CDC45: variants seen among roughly 807,000 people sequenced by gnomAD.
CDC45 encodes cell division cycle 45, also known as cell division control protein 45 homolog.
CDC45 carries 54 observed loss-of-function variants against 77.8 expected under a neutral mutation model. That is an observed-to-expected ratio of 0.69 (90% CI 0.56 to 0.87). CDC45 has a LOEUF of 0.87. CDC45 is among the 40% of genes least tolerant of loss of function. The pLI, the probability that CDC45 is intolerant of heterozygous loss-of-function variation, is 0.00. For missense variants in CDC45, 649 were observed against 721.6 expected (o/e 0.90, Z 1.15); for synonymous variants, 260 against 272.1 (o/e 0.96, Z 0.44).
Position 19,516,624 on chromosome 22 carries a change from C to T in CDC45, c.1538C>T (p.Thr513Ile), listed in dbSNP as rs1464019468. 1.9e-6 allele frequency: 3 copies of T among 1,613,712 alleles called. No homozygotes were observed. The African/African-American group carries it at 4.0e-5, about 22-fold the overall frequency. ...ACCGTGGTGGGCATCCCCCCAGAGA[C>T]CGACAGCTCGGACAGGAAGAAGTGA... ...TVTVVGIPPE[T>I]DSSDRKNFFG... The change falls in exon 16 of 19, where the codon ACC (threonine) becomes ATC (isoleucine). Residue 513 changes from threonine to isoleucine, a missense_variant. Coordinates refer to ENST00000263201, the MANE Select transcript of CDC45 (RefSeq NM_003504.5).
chr22:19,507,305 C>T, intron 10 of CDC45, 81 bp from the exon 11 acceptor site: 1 of 1,538,846 alleles, frequency 6.5e-7, no homozygotes, highest in Non-Finnish European at 8.9e-7. Context: ...GCCCCGCCAT[C>T]AGAGTGGCCC....
At chr22:19,517,296 C>T (rs778644837) in intron 17 of CDC45, among the ~76,000 whole-genome samples, 3 of 152,156 alleles carry the variant, frequency 2.0e-5, no homozygotes, top group African/African-American at 7.2e-5. Flanking sequence ...ACCCTTGCTG[C>T]GCCAGCCACC....
At chr22:19,481,828 C>A (rs1033020697) in intron 3 of CDC45, among the ~76,000 whole-genome samples, 2 of 152,094 alleles carry the variant, frequency 1.3e-5, no homozygotes, top group African/African-American at 4.8e-5. Flanking sequence ...CCCACCACCA[C>A]GCCTGGCTAA....
intron 17 of CDC45, 30 bp downstream of exon 17, chr22:19,516,923 T>G: frequency 6.3e-7 from 1 of 1,579,720 alleles, no homozygotes; most frequent in Non-Finnish European, 8.7e-7. Context: ...CTGCCACACT[T>G]TCCCACCTGA....
chr22:19,497,214 G>A (rs2090257805), intron 7 of CDC45, among the ~76,000 whole-genome samples, 172 bp from the exon 8 acceptor site: 1 of 152,178 alleles, frequency 6.6e-6, no homozygotes, highest in African/African-American at 2.4e-5. Context: ...TCAGTTTAGC[G>A]TGTACTCATC....
At chr22:19,490,124 T>C (rs1034178364) in intron 5 of CDC45, among the ~76,000 whole-genome samples, 4 of 152,240 alleles carry the variant, frequency 2.6e-5, no homozygotes, top group East Asian at 3.8e-4. Context: ...TTGCACGATA[T>C]ATCTTTTCAC....
chr22:19,483,772 T>A (rs2090021827), intron 4 of CDC45, 90 bp from the exon 5 acceptor site: 1 of 1,244,308 alleles, frequency 8.0e-7, no homozygotes, highest in East Asian at 2.4e-5. Flanking sequence ...AGTCAGCTTA[T>A]TAGGAAATGA....
At position 19,520,283 on chromosome 22, in the gene CDC45, C is replaced by T. The variant is rs1402645161; in HGVS notation, c.*2-198C>T. 6.6e-6 allele frequency among the ~76,000 whole-genome samples: 1 copy of T among 152,146 alleles called. No homozygotes were observed. The highest frequency in any genetic ancestry group is 2.4e-5 in the African/African-American group (1 of 41,508). ...AGGTGCCCGGGCCAGGGGGCAGGAG[C>T]TCTGATGTAGGACAGCTCAGCCCAG... On this transcript the variant is annotated intron_variant, in intron 18 of 18. Transcript: ENST00000263201. The surrounding 1 kb of genome is among the most constrained non-coding windows in gnomAD (Gnocchi z 4.5).
In CDC45 at chr22:19,518,857, A is replaced by G. The variant is rs1465886144; in HGVS notation, c.1650A>G (p.Lys550=). The change falls in exon 18 of 19, where the codon AAA becomes AAG. Residue 550 remains lysine, a synonymous_variant. Coordinates refer to ENST00000263201, the MANE Select transcript of CDC45 (RefSeq NM_003504.5). ...TCATTACTTCAGTAATTGAGCTGAAAGCTGAGGATCGGAGCAAGTTTCTGG... is the reference window on the plus strand; with the variant it reads ...TCATTACTTCAGTAATTGAGCTGAAGGCTGAGGATCGGAGCAAGTTTCTGG... ...NHFDLSVIEL[K]AEDRSKFLDA... The G allele has an allele frequency of 3.7e-6, 6 of 1,614,058 alleles. No individual in the cohort carries two copies. The highest frequency in any genetic ancestry group is 5.1e-6 in the Non-Finnish European group (6 of 1,179,954).
intron 17 of CDC45, 41 bp downstream of exon 17, chr22:19,516,934 C>A: frequency 6.5e-7 from 1 of 1,541,172 alleles, no homozygotes; most frequent in Non-Finnish European, 9.0e-7. Flanking sequence ...TCCCACCTGA[C>A]CCTTTGAGGC....
chr22:19,495,377 G>T (rs997366498), intron 6 of CDC45, among the ~76,000 whole-genome samples: 1 of 152,194 alleles, frequency 6.6e-6, no homozygotes, highest in African/African-American at 2.4e-5. Flanking sequence ...TGTGCACACA[G>T]CAAGTTTTGT....
intron 5 of CDC45, among the ~76,000 whole-genome samples, chr22:19,489,220 G>A (rs1259873285): frequency 2.6e-5 from 4 of 151,920 alleles, no homozygotes; most frequent in African/African-American, 4.8e-5. Context: ...TGATTTTTCA[G>A]TTGGCACTCT....
Position 19,507,847 on chromosome 22 carries a change from G to A in CDC45, c.1038G>A (p.Glu346=), listed in dbSNP as rs1933286967. The change falls in exon 12 of 19, where the codon GAG becomes GAA. Residue 346 remains glutamate (E), a synonymous_variant. Coordinates refer to ENST00000263201, the MANE Select transcript of CDC45 (RefSeq NM_003504.5). ...LKENLREMIE[E]SANKFGMKDM... is the part of the protein sequence containing the mutation. ...AGAATTTGCGGGAAATGATTGAAGA[G>A]TCTGCAAATAAATTTGGGTAAACAC... 5 of 1,598,320 alleles carry A rather than the reference G, an allele frequency of 3.1e-6. No homozygotes were observed. The highest frequency in any genetic ancestry group is 1.3e-5 in the African/African-American group (1 of 74,130).
chr22:19,486,485 A>G (rs2090069561), intron 5 of CDC45, among the ~76,000 whole-genome samples: 2 of 152,010 alleles, frequency 1.3e-5, no homozygotes. Context: ...ATTGAAGGCC[A>G]GTTCTCTTTT....
intron 13 of CDC45, 30 bp from the exon 14 acceptor site, chr22:19,514,719 C>T (rs769274862): frequency 3.9e-6 from 6 of 1,557,280 alleles, no homozygotes; most frequent in Non-Finnish European, 8.7e-7. Context: ...TGACAAGCAC[C>T]ACCAAAGCCA....
chr22:19,493,611 T>G (rs1000163845), intron 5 of CDC45, among the ~76,000 whole-genome samples: 6 of 151,996 alleles, frequency 3.9e-5, no homozygotes, highest in African/African-American at 1.4e-4. Flanking sequence ...GCCCGGCTAA[T>G]TTTTGTATTT....
At chr22:19,493,835 G>A (rs549340742) in intron 5 of CDC45, among the ~76,000 whole-genome samples, 1 of 152,368 alleles carries the variant, frequency 6.6e-6, no homozygotes, top group East Asian at 1.9e-4. Flanking sequence ...AGAAGCAGGA[G>A]TCTCGGGACC....
In CDC45 at chr22:19,504,653, T is replaced by C. The variant is rs545455225; in HGVS notation, c.705-709T>C. Among the ~76,000 whole-genome samples, 59 of 151,682 alleles carry C rather than the reference T, an allele frequency of 3.9e-4. 1 individual carries two copies. The South Asian group carries it at 4.8e-3, about 12-fold the overall frequency. ...GTGAGGGGCTGGAAAATTGGGAGAG[T>C]TGATTGGTGGGGCAAGGGGGATGTA... On this transcript the variant is annotated intron_variant, in intron 9 of 18. Transcript: ENST00000263201.
In CDC45 at chr22:19,497,433, G is replaced by C; in HGVS notation, c.639G>C (p.Leu213=). ...TGGCTTGGATGCTGTCCAAGGACCT[G>C]AATGACATGCTGTGGTACGTAGCCC... ...FELAWMLSKD[L]NDMLWWAIVG... Residue 213 remains leucine, a synonymous_variant, in exon 8 of 19, where the codon CTG becomes CTC. Transcript: ENST00000263201. The C allele has an allele frequency of 6.2e-7, 1 of 1,614,110 alleles. No homozygotes were observed. The highest frequency in any genetic ancestry group is 1.1e-5 in the South Asian group (1 of 91,072).
Sources: allele counts gnomAD v4.1 joint callset (sites outside exome capture counted in the v4.1 genomes callset), GRCh38; gene constraint gnomAD v4.1.1; non-coding constraint Gnocchi (gnomAD v3.1); transcripts MANE v1.5; gene names NCBI Gene and HGNC (gene_info 2026-07-23, HGNC 2026-07-21).